Variants in SYNPR observed in about 807,000 individuals in gnomAD.
The protein encoded by SYNPR is synaptoporin.
In SYNPR, 23 loss-of-function variants were observed where a neutral mutation model predicts 32.9. That is an observed-to-expected ratio of 0.70 (90% CI 0.50 to 0.99). The LOEUF (loss-of-function observed/expected upper bound fraction) is 0.99, where lower values mean the gene tolerates loss of function less well. Ranked by LOEUF, SYNPR falls within the 50% of genes least tolerant of loss-of-function variation. The probability of loss-of-function intolerance (pLI) is 0.00; values close to 1 mark genes in which losing one functional copy is unlikely to be tolerated. For synonymous variants in SYNPR, 146 were observed against 135.9 expected (o/e 1.07, Z -0.52); for missense variants, 318 against 349.3 (o/e 0.91, Z 0.71).
the SYNPR span, among the ~76,000 whole-genome samples, chr3:63,221,571 C>T: frequency 6.6e-6 from 1 of 152,134 alleles, no homozygotes; most frequent in East Asian, 1.9e-4. Flanking sequence ...GTCTCCTATG[C>T]TGTACCTTCT....
chr3:63,342,265 AT>A (rs2087380133), intron 2 of SYNPR, among the ~76,000 whole-genome samples: 2 of 152,048 alleles, frequency 1.3e-5, no homozygotes, highest in African/African-American at 4.8e-5. Flanking sequence ...TCTTGTAGAT[AT>A]TGTTTGTCAT....
intron 4 of SYNPR, among the ~76,000 whole-genome samples, chr3:63,574,271 CT>C (rs1259618567): frequency 1.6e-4 from 25 of 152,272 alleles, no homozygotes; most frequent in Admixed American, 4.6e-4. Context: ...CACATTTAAA[CT>C]TTCCCATAGT....
chr3:63,534,638 A>G (rs1313944455), intron 3 of SYNPR, among the ~76,000 whole-genome samples: 1 of 152,150 alleles, frequency 6.6e-6, no homozygotes, highest in Non-Finnish European at 1.5e-5. Flanking sequence ...TATAAAGAAA[A>G]GAGGTTTATT....
chr3:63,278,620 C>T (rs917061192), intron 1 of SYNPR, 57 bp from the exon 2 acceptor site: 4 of 1,549,970 alleles, frequency 2.6e-6, no homozygotes, highest in South Asian at 1.2e-5. Flanking sequence ...TTGGGAGAGG[C>T]GCCCCCAGCC....
At chr3:63,581,794 A>C (rs1703097649) in intron 4 of SYNPR, among the ~76,000 whole-genome samples, 1 of 137,442 alleles carries the variant, frequency 7.3e-6, no homozygotes, top group African/African-American at 3.3e-5. Context: ...TTCTTATTAC[A>C]AAAAAAAAAA....
intron 2 of SYNPR, among the ~76,000 whole-genome samples, chr3:63,326,577 T>C (rs778178143): frequency 7.9e-5 from 12 of 152,176 alleles, no homozygotes; most frequent in Non-Finnish European, 1.2e-4. Context: ...GTTGGAATCA[T>C]ACTTTGTTCA....
rs117649132 is a variant in SYNPR at position 63,429,274 on chromosome 3, T to C, written c.85-51558T>C. 1.5e-3 allele frequency among the ~76,000 whole-genome samples: 228 copies of C among 152,316 alleles called. 3 individuals carry two copies. The East Asian group carries it at 0.035, about 23-fold the overall frequency. The stretch of plus-strand genomic sequence containing the variant: ...ATAATTTGCATATCATAAACCAATG[T>C]AGCCTTCTTCTCTGTAGAGCATGTA... On this transcript the variant is annotated intron_variant, in intron 2 of 5. Coordinates refer to ENST00000478300, the MANE Select transcript of SYNPR (RefSeq NM_001130003.2).
At chr3:63,338,997 C>T (rs2106997815) in intron 2 of SYNPR, among the ~76,000 whole-genome samples, 1 of 152,342 alleles carries the variant, frequency 6.6e-6, no homozygotes, top group Non-Finnish European at 1.5e-5. Flanking sequence ...GTAAGGCAGA[C>T]ATTTCCTCCT....
the SYNPR span, among the ~76,000 whole-genome samples, chr3:63,202,147 C>G: frequency 6.6e-6 from 1 of 152,036 alleles, no homozygotes; most frequent in Non-Finnish European, 1.5e-5. Context: ...TGGTTTTGGC[C>G]CGTTCTCTTT....
At chr3:63,276,357 C>T (rs145528064), upstream of SYNPR, among the ~76,000 whole-genome samples, 2 of 152,248 alleles carry the variant, frequency 1.3e-5, no homozygotes, top group East Asian at 3.9e-4. Context: ...TGATATGGAC[C>T]TCTGAGTCTT....
At chr3:63,564,056 A>T (rs1702742238) in intron 4 of SYNPR, among the ~76,000 whole-genome samples, 1 of 151,564 alleles carries the variant, frequency 6.6e-6, no homozygotes, top group Non-Finnish European at 1.5e-5. Context: ...TTGAAGTTCT[A>T]CCCCAGGAAC....
intron 2 of SYNPR, among the ~76,000 whole-genome samples, chr3:63,449,376 G>T (rs1700338654): frequency 6.6e-6 from 1 of 152,010 alleles, no homozygotes. Flanking sequence ...ACTTCTAATA[G>T]ACCAGGATTT....
At chr3:63,225,842 G>C (rs2086124273), upstream of SYNPR, among the ~76,000 whole-genome samples, 1 of 152,006 alleles carries the variant, frequency 6.6e-6, no homozygotes, top group South Asian at 2.1e-4. Flanking sequence ...CACAGCAAAG[G>C]AAACAATTGA....
At chr3:63,444,983 CTT>C (rs1038453093) in intron 2 of SYNPR, among the ~76,000 whole-genome samples, 1 of 150,542 alleles carries the variant, frequency 6.6e-6, no homozygotes. Context: ...ACAAACAAAA[CTT>C]TTATCCTTGG....
chr3:63,365,249 C>G (rs1347402256), intron 2 of SYNPR, among the ~76,000 whole-genome samples: 1 of 152,090 alleles, frequency 6.6e-6, no homozygotes, highest in Non-Finnish European at 1.5e-5. Flanking sequence ...GACATCATAA[C>G]TTTGAAGGTT....
At chr3:63,598,111 A>G (rs963200000) in intron 4 of SYNPR, among the ~76,000 whole-genome samples, 34 of 152,358 alleles carry the variant, frequency 2.2e-4, no homozygotes, top group African/African-American at 7.9e-4. Flanking sequence ...AAAGCCATCA[A>G]GTAGCCAAAA....
intron 2 of SYNPR, among the ~76,000 whole-genome samples, chr3:63,256,459 G>C (rs535162665): frequency 3.3e-5 from 5 of 152,268 alleles, no homozygotes; most frequent in East Asian, 1.9e-4. Context: ...AGGCAAACAG[G>C]GTCTGGAGTG....
At chr3:63,343,222 T>G (rs1368311380) in intron 2 of SYNPR, among the ~76,000 whole-genome samples, 1 of 152,136 alleles carries the variant, frequency 6.6e-6, no homozygotes, top group African/African-American at 2.4e-5. Context: ...CTTTGGGTCA[T>G]GGGAAGGCAC....
intron 3 of SYNPR, among the ~76,000 whole-genome samples, chr3:63,498,279 A>T (rs1055432906): frequency 3.3e-5 from 5 of 151,920 alleles, no homozygotes; most frequent in Non-Finnish European, 7.4e-5. Flanking sequence ...TGGCAAAAAG[A>T]CTCGTTCATT....
Sources: gnomAD v4.1 joint callset for allele counts (sites outside exome capture counted in the v4.1 genomes callset) on GRCh38, gnomAD v4.1.1 for gene constraint, MANE v1.5 for transcripts, NCBI Gene and HGNC (gene_info 2026-07-23, HGNC 2026-07-21) for gene names.